The following NIPAL3 variants were observed in gnomAD, a reference collection of about 807,000 sequenced individuals.
NIPAL3 encodes the protein NIPA-like protein 3.
Under a neutral mutation model 47.2 loss-of-function variants are expected in NIPAL3, and 41 were observed. That is an observed-to-expected ratio of 0.87 (90% CI 0.68 to 1.13). NIPAL3 has a LOEUF of 1.13. NIPAL3 is among the 50% of genes most tolerant of loss of function. The pLI is 0.00. For synonymous variants in NIPAL3, 194 were observed against 209.6 expected (o/e 0.93, Z 0.64); for missense variants, 449 against 530.1 (o/e 0.85, Z 1.50).
chr1:24,449,181 T>A lies in NIPAL3; in HGVS notation c.395-300T>A, dbSNP rs1356449006. On this transcript the variant is annotated intron_variant, in intron 5 of 11. Coordinates refer to ENST00000374399, the MANE Select transcript of NIPAL3 (RefSeq NM_020448.5). The surrounding 1 kb of genome is among the most constrained non-coding windows in gnomAD (Gnocchi z 4.5). Reference sequence around the variant, plus strand: ...ATGAGAAATTTCAGTATCTGGCTAATGTTCTCTTTCTCCATCTGGGAGCTG... The same window carrying A: ...ATGAGAAATTTCAGTATCTGGCTAAAGTTCTCTTTCTCCATCTGGGAGCTG... 2.0e-5 allele frequency among the ~76,000 whole-genome samples: 3 copies of A among 152,236 alleles called. No homozygotes were observed. Among genetic ancestry groups the A allele is most frequent in the Admixed American group, 2.0e-4 (3 of 15,284 alleles).
intron 2 of NIPAL3, among the ~76,000 whole-genome samples, chr1:24,422,873 G>A (rs1644395483): frequency 6.6e-6 from 1 of 152,196 alleles, no homozygotes; most frequent in Admixed American, 6.5e-5. Flanking sequence ...TTCCTATCTA[G>A]CCTTTTTATT....
chr1:24,452,251 A>G (rs1368778633), intron 6 of NIPAL3, among the ~76,000 whole-genome samples: 1 of 152,140 alleles, frequency 6.6e-6, no homozygotes, highest in Non-Finnish European at 1.5e-5. Context: ...AGCTTCTCAA[A>G]CTCGGACTTG....
At chr1:24,414,693 C>T, upstream of NIPAL3, 1 of 152,006 alleles carries the variant, frequency 6.6e-6, no homozygotes, top group Non-Finnish European at 1.5e-5. Flanking sequence ...CGCCACCACG[C>T]CCGGCTAATT....
chr1:24,423,351 A>G (rs1644419208), intron 2 of NIPAL3, among the ~76,000 whole-genome samples: 3 of 152,240 alleles, frequency 2.0e-5, no homozygotes, highest in Admixed American at 2.0e-4. Flanking sequence ...TTTGTTGCTT[A>G]CATTTCCTAA....
At chr1:24,445,688 A>G (rs1458161872) in intron 5 of NIPAL3, among the ~76,000 whole-genome samples, 1 of 151,824 alleles carries the variant, frequency 6.6e-6, no homozygotes, top group African/African-American at 2.4e-5. Context: ...ATGTCCTTGT[A>G]CTCTCCCCAC....
At chr1:24,420,058 G>A (rs2148742243) in intron 2 of NIPAL3, 1 of 151,044 alleles carries the variant, frequency 6.6e-6, no homozygotes, top group Middle Eastern at 3.5e-3. Context: ...ATCCAGCCTG[G>A]TGACAGAGTG....
chr1:24,450,959 C>T (rs1645907817), intron 6 of NIPAL3, among the ~76,000 whole-genome samples: 2 of 152,370 alleles, frequency 1.3e-5, no homozygotes, highest in South Asian at 4.1e-4. Context: ...AAAAGACCGC[C>T]TCCTTGGGCA....
At position 24,445,186 on chromosome 1, in the gene NIPAL3, T is replaced by C. The variant is rs144926436; in HGVS notation, c.336T>C (p.Ala112=). 18 of 1,609,426 alleles carry C rather than the reference T, an allele frequency of 1.1e-5. No homozygotes were observed. Among genetic ancestry groups the C allele is most frequent in the Non-Finnish European group, 1.5e-5 (18 of 1,175,914 alleles). ...IVPLSAVSVI[A]SAIIGIIFIK... ...TTTTCTTTGTGCTTCATTTTTCAGC[T>C]AGTGCCATCATAGGAATCATATTCA... is the stretch of plus-strand genomic sequence containing the variant. The change falls in exon 5 of 12, where the codon GCT becomes GCC. Residue 112 remains alanine, a splice_region_variant and synonymous_variant. Coordinates refer to ENST00000374399, the MANE Select transcript of NIPAL3 (RefSeq NM_020448.5).
chr1:24,449,470 C>T lies in NIPAL3; in HGVS notation c.395-11C>T. The T allele has an allele frequency of 6.2e-7, 1 of 1,612,682 alleles. No homozygotes were observed. The highest frequency in any genetic ancestry group is 8.5e-7 in the Non-Finnish European group (1 of 1,179,956). The stretch of plus-strand genomic sequence containing the variant: ...TTGCAATGAGTCCGTGACAGCCTCT[C>T]TTCCCCGCAGGGCGCTACGTCTTGT... On this transcript the variant is annotated splice_polypyrimidine_tract_variant and intron_variant, in intron 5 of 11. Coordinates refer to ENST00000374399, the MANE Select transcript of NIPAL3 (RefSeq NM_020448.5). The surrounding 1 kb of genome is among the most constrained non-coding windows in gnomAD (Gnocchi z 4.5).
intron 2 of NIPAL3, among the ~76,000 whole-genome samples, chr1:24,437,503 C>T (rs1645179008): frequency 6.6e-6 from 1 of 152,180 alleles, no homozygotes; most frequent in Non-Finnish European, 1.5e-5. Context: ...CCACAAAGTG[C>T]TGATTCTGTT....
At position 24,464,001 on chromosome 1, in the gene NIPAL3, T is replaced by C. The variant is rs1027311837; in HGVS notation, c.927-25T>C. 6.9e-6 allele frequency: 11 copies of C among 1,597,980 alleles called. No homozygotes were observed. The African/African-American group carries it at 1.3e-4, about 19-fold the overall frequency. ...GACCTTGCTCCTGGCCTTATTTCTCTTCCTATCTTATCTCCATTCCGCAGG... is the reference window on the plus strand; with the variant it reads ...GACCTTGCTCCTGGCCTTATTTCTCCTCCTATCTTATCTCCATTCCGCAGG... On this transcript the variant is annotated intron_variant, in intron 10 of 11. Coordinates refer to ENST00000374399, the MANE Select transcript of NIPAL3 (RefSeq NM_020448.5).
rs1447448147 is a variant in NIPAL3 at position 24,472,554 on chromosome 1, A to T, written c.*3369A>T. On this transcript the variant is annotated 3_prime_UTR_variant, in exon 12 of 12. Coordinates refer to ENST00000374399, the MANE Select transcript of NIPAL3 (RefSeq NM_020448.5). Reference sequence around the variant, plus strand: ...CCAGGTACCTAAAGCAAGGTCACCAAACTTGGGTTTAAACTTCAGTTGCCA... The same window carrying T: ...CCAGGTACCTAAAGCAAGGTCACCATACTTGGGTTTAAACTTCAGTTGCCA... 1.3e-5 allele frequency: 2 copies of T among 152,226 alleles called. No individual in the cohort carries two copies. The highest frequency in any genetic ancestry group is 2.9e-5 in the Non-Finnish European group (2 of 68,048). 9.4% of individuals were successfully genotyped at this position (152,226 alleles called of 1,614,324 possible). A position where few individuals can be genotyped will look rare whatever the true frequency, so the allele number is the denominator to read the frequency against.
At chr1:24,460,406 C>T in intron 9 of NIPAL3, 75 bp from the exon 10 acceptor site, 2 of 1,239,978 alleles carry the variant, frequency 1.6e-6, no homozygotes, top group Non-Finnish European at 2.3e-6. Flanking sequence ...GAGAGCTTAG[C>T]CAAATCCTAG....
chr1:24,418,924 T>G (rs1644184778), intron 1 of NIPAL3, among the ~76,000 whole-genome samples: 1 of 151,776 alleles, frequency 6.6e-6, no homozygotes, highest in African/African-American at 2.4e-5. Flanking sequence ...GGAATTGTTT[T>G]TTTTTTTTTT....
At chr1:24,428,012 G>A (rs901466131) in intron 2 of NIPAL3, among the ~76,000 whole-genome samples, 7 of 152,130 alleles carry the variant, frequency 4.6e-5, no homozygotes, top group East Asian at 1.9e-4. Context: ...CTGGAAGGCC[G>A]AGGCAGCCTT....
intron 7 of NIPAL3, 114 bp from the exon 8 acceptor site, chr1:24,456,024 C>A: frequency 7.8e-7 from 1 of 1,287,062 alleles, no homozygotes; most frequent in Non-Finnish European, 1.1e-6. Flanking sequence ...TGACTCTGTT[C>A]CTGTTCCCTC....
rs769927931 is a variant in NIPAL3 at position 24,442,237 on chromosome 1, G to A, written c.334+11G>A. 4.3e-6 allele frequency: 7 copies of A among 1,612,240 alleles called. No individual in the cohort carries two copies. The highest frequency in any genetic ancestry group is 1.3e-5 in the African/African-American group (1 of 74,874). On this transcript the variant is annotated intron_variant, in intron 4 of 11. Coordinates refer to ENST00000374399, the MANE Select transcript of NIPAL3 (RefSeq NM_020448.5). ...CAGTTTCTGTGATAGGTAAGACCAG[G>A]GCTGCCCCACCCTCCCCTGGGGTGC... is the stretch of plus-strand genomic sequence containing the variant.
intron 2 of NIPAL3, among the ~76,000 whole-genome samples, chr1:24,428,708 T>C (rs1390255476): frequency 6.6e-6 from 1 of 152,258 alleles, no homozygotes; most frequent in Non-Finnish European, 1.5e-5. Flanking sequence ...TTTCTCCTAT[T>C]AATCTGCCTT....
intron 3 of NIPAL3, among the ~76,000 whole-genome samples, chr1:24,440,918 CT>C (rs1645352357): frequency 6.6e-6 from 1 of 152,168 alleles, no homozygotes; most frequent in African/African-American, 2.4e-5. Context: ...CCCTGTGGGA[CT>C]GAGTCCCAGT....
Sources: gnomAD v4.1 joint callset for allele counts (sites outside exome capture counted in the v4.1 genomes callset) on GRCh38, gnomAD v4.1.1 for gene constraint, Gnocchi (gnomAD v3.1) non-coding constraint, MANE v1.5 for transcripts, NCBI Gene and HGNC (gene_info 2026-07-23, HGNC 2026-07-21) for gene names.